The following SEMA3A variants were observed in gnomAD, a reference collection of about 807,000 sequenced individuals.
The protein encoded by SEMA3A is semaphorin-3A.
SEMA3A carries 29 observed loss-of-function variants against 97.9 expected under a neutral mutation model. The observed-to-expected ratio is 0.30, with a 90% CI of 0.22 to 0.40. SEMA3A has a LOEUF of 0.40. Ranked by LOEUF, SEMA3A falls within the 10% of genes least tolerant of loss-of-function variation. The pLI, the probability that SEMA3A is intolerant of heterozygous loss-of-function variation, is 1.00. For missense variants in SEMA3A, 763 were observed against 951.3 expected (o/e 0.80, Z 2.60); for synonymous variants, 321 against 323.7 (o/e 0.99, Z 0.09).
At chr7:84,039,332 C>T (rs1345217745) in intron 6 of SEMA3A, among the ~76,000 whole-genome samples, 1 of 152,088 alleles carries the variant, frequency 6.6e-6, no homozygotes, top group African/African-American at 2.4e-5. Flanking sequence ...GGGATATAAA[C>T]TGAGGCAGAT....
chr7:84,305,695 G>C (rs961131146), intron 3 of SEMA3A, among the ~76,000 whole-genome samples: 6 of 151,916 alleles, frequency 3.9e-5, no homozygotes, highest in Non-Finnish European at 5.9e-5. Context: ...ATTTTAATTA[G>C]TACCCAGGAA....
intron 2 of SEMA3A, among the ~76,000 whole-genome samples, chr7:84,322,359 G>A (rs982014416): frequency 6.6e-6 from 1 of 151,984 alleles, no homozygotes; most frequent in Non-Finnish European, 1.5e-5. Context: ...TTTTCTCACT[G>A]TTATCATCAT....
chr7:84,277,561 A>C (rs1800335965), intron 3 of SEMA3A, among the ~76,000 whole-genome samples: 1 of 152,188 alleles, frequency 6.6e-6, no homozygotes, highest in Admixed American at 6.5e-5. Flanking sequence ...AAATACTCAA[A>C]GAATGATGTT....
intron 3 of SEMA3A, among the ~76,000 whole-genome samples, chr7:84,126,253 T>C (rs949468396): frequency 1.3e-5 from 2 of 152,146 alleles, no homozygotes; most frequent in African/African-American, 4.8e-5. Flanking sequence ...TCACCCAGGC[T>C]GGAGTTCAGT....
At chr7:84,081,947 A>C (rs1320174924) in intron 4 of SEMA3A, among the ~76,000 whole-genome samples, 1 of 152,174 alleles carries the variant, frequency 6.6e-6, no homozygotes, top group East Asian at 1.9e-4. Flanking sequence ...TATATTTTTG[A>C]AGAATAAAGA....
At chr7:84,416,182 A>G (rs905699592) in intron 1 of SEMA3A, among the ~76,000 whole-genome samples, 6 of 152,148 alleles carry the variant, frequency 3.9e-5, no homozygotes, top group African/African-American at 1.4e-4. Flanking sequence ...AGAGGAACAC[A>G]GTGGGAGGTA....
chr7:84,329,583 A>G (rs1801863284), intron 2 of SEMA3A, among the ~76,000 whole-genome samples: 1 of 152,012 alleles, frequency 6.6e-6, no homozygotes, highest in South Asian at 2.1e-4. Flanking sequence ...AATTTTAGGA[A>G]GGACACTCTC....
At chr7:84,123,825 A>ACG (rs369736618) in intron 3 of SEMA3A, among the ~76,000 whole-genome samples, 5,213 of 149,152 alleles carry the variant, frequency 0.035, 114 homozygotes, top group South Asian at 0.07. Flanking sequence ...ATATATATAT[A>ACG]TGAGAGAGAG....
chr7:84,001,653 G>A (rs1004803713), intron 12 of SEMA3A, among the ~76,000 whole-genome samples: 3 of 139,470 alleles, frequency 2.2e-5, no homozygotes, highest in Non-Finnish European at 4.6e-5. Flanking sequence ...TTAGGAGTGG[G>A]GAAGAGTTTG....
chr7:84,121,304 G>A (rs1795606931), intron 3 of SEMA3A, among the ~76,000 whole-genome samples: 1 of 151,960 alleles, frequency 6.6e-6, no homozygotes, highest in African/African-American at 2.4e-5. Context: ...TTGCTGTGCT[G>A]CACCATTAAC....
intron 1 of SEMA3A, among the ~76,000 whole-genome samples, chr7:84,168,851 A>G (rs1400322015): frequency 6.6e-6 from 1 of 151,822 alleles, no homozygotes; most frequent in Non-Finnish European, 1.5e-5. Context: ...TATCTTCAGT[A>G]TCTAAATTTA....
intron 3 of SEMA3A, among the ~76,000 whole-genome samples, chr7:84,301,900 C>G (rs1021384700): frequency 6.6e-6 from 1 of 152,104 alleles, no homozygotes. Context: ...ATACACCTAC[C>G]AAATCTCCCT....
chr7:84,108,843 TGCAGTGA>T (rs1795192174), intron 4 of SEMA3A, among the ~76,000 whole-genome samples: 2 of 147,970 alleles, frequency 1.4e-5, no homozygotes, highest in Admixed American at 1.4e-4. Context: ...AGGCAGAGGT[TGCAGTGA>T]GCCCAGATTG....
chr7:84,332,857 T>C (rs1215689404), intron 2 of SEMA3A, among the ~76,000 whole-genome samples: 1 of 152,178 alleles, frequency 6.6e-6, no homozygotes, highest in Non-Finnish European at 1.5e-5. Flanking sequence ...TATTTACATG[T>C]CTTGACTCCC....
intron 4 of SEMA3A, among the ~76,000 whole-genome samples, chr7:84,106,651 C>T (rs1795116646): frequency 6.6e-6 from 1 of 152,136 alleles, no homozygotes; most frequent in South Asian, 2.1e-4. Context: ...TTAATTTCTT[C>T]CTATAAGATC....
At chr7:84,242,973 T>C (rs1036980889) in intron 3 of SEMA3A, among the ~76,000 whole-genome samples, 1 of 152,236 alleles carries the variant, frequency 6.6e-6, no homozygotes, top group Admixed American at 6.5e-5. Flanking sequence ...TTGTGTATGT[T>C]GAACCAGGCT....
chr7:84,091,289 AAAG>A (rs1216396502), intron 4 of SEMA3A, among the ~76,000 whole-genome samples: 30 of 124,470 alleles, frequency 2.4e-4, no homozygotes, highest in Non-Finnish European at 7.5e-5. Flanking sequence ...AGAAAGAAAG[AAAG>A]AAAAAGAAAA....
chr7:84,403,986 C>T (rs962838800), intron 1 of SEMA3A, among the ~76,000 whole-genome samples: 2 of 152,158 alleles, frequency 1.3e-5, no homozygotes, highest in African/African-American at 4.8e-5. Flanking sequence ...AATCAGAGCG[C>T]CTCTCCTCCT....
chr7:84,163,616 A>G (rs1797110851), intron 1 of SEMA3A, among the ~76,000 whole-genome samples: 1 of 152,180 alleles, frequency 6.6e-6, no homozygotes. Context: ...ATATTGTTTT[A>G]TATGTATTTT....
Sources: allele counts gnomAD v4.1 joint callset (sites outside exome capture counted in the v4.1 genomes callset), GRCh38; gene constraint gnomAD v4.1.1; transcripts MANE v1.5; gene names NCBI Gene and HGNC (gene_info 2026-07-23, HGNC 2026-07-21).